Variants in CNTNAP4 observed in about 807,000 individuals in gnomAD.
CNTNAP4 encodes the protein contactin associated protein family member 4, also known as contactin-associated protein-like 4.
CNTNAP4 carries 98 observed loss-of-function variants against 148.4 expected under a neutral mutation model. That is an observed-to-expected ratio of 0.66 (90% CI 0.56 to 0.78). The LOEUF is 0.78. Ranked by LOEUF, CNTNAP4 falls within the 30% of genes least tolerant of loss-of-function variation. The pLI, the probability that CNTNAP4 is intolerant of heterozygous loss-of-function variation, is 0.00. For synonymous variants in CNTNAP4, 730 were observed against 565.1 expected (o/e 1.29, Z -4.14); for missense variants, 1,935 against 1,565.6 (o/e 1.24, Z -3.98).
intron 13 of CNTNAP4, among the ~76,000 whole-genome samples, chr16:76,491,669 G>A (rs1212882715): frequency 6.6e-6 from 1 of 152,214 alleles, no homozygotes; most frequent in African/African-American, 2.4e-5. Flanking sequence ...TTATGGAAGA[G>A]TAAATGAATG....
chr16:76,553,553 A>G, intron 22 of CNTNAP4, 52 bp downstream of exon 22: 1 of 1,355,242 alleles, frequency 7.4e-7, no homozygotes. Flanking sequence ...TGTCCATGGA[A>G]TTTAGAAAAC....
chr16:76,447,777 C>T (rs2080304164), intron 4 of CNTNAP4, among the ~76,000 whole-genome samples: 2 of 152,112 alleles, frequency 1.3e-5, no homozygotes, highest in South Asian at 4.1e-4. Context: ...TTAAGGTAGG[C>T]TAGGCTAAAC....
chr16:76,452,726 G>A lies in CNTNAP4; in HGVS notation c.1290G>A (p.Ser430=), dbSNP rs8055272. The part of the protein sequence containing the change: ...LLFLSDGKLK[S]NLYQPGKLPS... ...TTCTGAGTGATGGAAAACTTAAGTC[G>A]AATCTCTACCAGCCAGGAAAATTAC... The change falls in exon 8 of 24, where the codon TCG becomes TCA. Residue 430 remains serine, a synonymous_variant. Coordinates refer to ENST00000611870, the MANE Select transcript of CNTNAP4 (RefSeq NM_033401.5). The A allele has an allele frequency of 9.3e-3, 14,953 of 1,608,628 alleles. 89 individuals are homozygous for A. Among genetic ancestry groups the A allele is most frequent in the Non-Finnish European group, 0.012 (13,671 of 1,176,940 alleles).
At chr16:76,531,387 A>G (rs2083978493) in intron 17 of CNTNAP4, among the ~76,000 whole-genome samples, 1 of 152,150 alleles carries the variant, frequency 6.6e-6, no homozygotes, top group Admixed American at 6.5e-5. Flanking sequence ...GTCTCTACTC[A>G]GCACCCAGAG....
intron 3 of CNTNAP4, among the ~76,000 whole-genome samples, chr16:76,408,735 G>A (rs62051218): frequency 0.36 from 54,167 of 151,914 alleles, 11,111 homozygotes; most frequent in Non-Finnish European, 0.44. Context: ...CTGGAAAACA[G>A]CATTTTATTA....
intron 2 of CNTNAP4, among the ~76,000 whole-genome samples, chr16:76,324,267 A>G (rs1188887879): frequency 6.6e-6 from 1 of 152,230 alleles, no homozygotes; most frequent in Non-Finnish European, 1.5e-5. Flanking sequence ...CAATTAAAAT[A>G]TATTCACAAA....
chr16:76,330,032 A>G (rs1597214495), intron 2 of CNTNAP4, among the ~76,000 whole-genome samples: 1 of 152,206 alleles, frequency 6.6e-6, no homozygotes, highest in African/African-American at 2.4e-5. Context: ...AAGGAAAAAC[A>G]CATCTCAACA....
intron 12 of CNTNAP4, among the ~76,000 whole-genome samples, chr16:76,489,210 C>A (rs2082125943): frequency 6.6e-6 from 1 of 152,030 alleles, no homozygotes; most frequent in South Asian, 2.1e-4. Context: ...TAAATTATTT[C>A]TTGAATTCTA....
intron 3 of CNTNAP4, among the ~76,000 whole-genome samples, chr16:76,365,562 C>A (rs2014008730): frequency 2.0e-5 from 3 of 151,988 alleles, no homozygotes. Context: ...ACTAGCCTGG[C>A]CAACATGGTG....
At chr16:76,413,678 A>G (rs1388262978) in intron 3 of CNTNAP4, among the ~76,000 whole-genome samples, 1 of 151,346 alleles carries the variant, frequency 6.6e-6, no homozygotes, top group African/African-American at 2.4e-5. Flanking sequence ...ACACACAAAC[A>G]TTGGTTTGAA....
At chr16:76,554,973 C>T (rs913072042) in intron 23 of CNTNAP4, among the ~76,000 whole-genome samples, 1 of 151,346 alleles carries the variant, frequency 6.6e-6, no homozygotes, top group Non-Finnish European at 1.5e-5. Context: ...TTATTCATAT[C>T]ATATATGAAT....
At chr16:76,369,935 T>C (rs963552254) in intron 3 of CNTNAP4, among the ~76,000 whole-genome samples, 2 of 152,174 alleles carry the variant, frequency 1.3e-5, no homozygotes, top group Non-Finnish European at 2.9e-5. Context: ...GGATTATATC[T>C]GCCTACAATG....
chr16:76,459,742 G>C (rs940390643), intron 8 of CNTNAP4, among the ~76,000 whole-genome samples: 6 of 152,170 alleles, frequency 3.9e-5, no homozygotes, highest in Admixed American at 2.6e-4. Context: ...AATTTGATCT[G>C]CAGAATCACA....
chr16:76,516,250 C>T (rs188134766), intron 15 of CNTNAP4, among the ~76,000 whole-genome samples: 5 of 152,248 alleles, frequency 3.3e-5, no homozygotes, highest in African/African-American at 7.2e-5. Context: ...GATTCATCCA[C>T]GTCCCTGCAA....
chr16:76,313,411 C>T (rs1961360187), intron 1 of CNTNAP4, among the ~76,000 whole-genome samples: 1 of 152,192 alleles, frequency 6.6e-6, no homozygotes, highest in South Asian at 2.1e-4. Flanking sequence ...ATACATAATG[C>T]ACTCTCTTGT....
intron 10 of CNTNAP4, among the ~76,000 whole-genome samples, chr16:76,475,006 A>G (rs1219487100): frequency 6.6e-6 from 1 of 152,078 alleles, no homozygotes; most frequent in Non-Finnish European, 1.5e-5. Context: ...ACCAGATCAG[A>G]CTCCAGAGCC....
Position 76,558,509 on chromosome 16 carries a change from T to C in CNTNAP4, c.3753T>C (p.Ile1251=). 1.2e-6 allele frequency: 2 copies of C among 1,606,858 alleles called. No homozygotes were observed. Among genetic ancestry groups the C allele is most frequent in the Non-Finnish European group, 1.7e-6 (2 of 1,174,750 alleles). ...AVIGGLIAVV[I]FILLCITAIA... ...CTCTAGGTCTGATAGCTGTTGTGAT[T>C]TTTATCTTGCTTTGCATCACTGCCA... Residue 1251 remains isoleucine, a synonymous_variant, in exon 24 of 24, where the codon ATT becomes ATC. Transcript: ENST00000611870.
intron 1 of CNTNAP4, among the ~76,000 whole-genome samples, chr16:76,282,422 T>C (rs1958722614): frequency 6.6e-6 from 1 of 151,948 alleles, no homozygotes; most frequent in African/African-American, 2.4e-5. Context: ...AACTTAGATG[T>C]TTTGAACAAA....
At chr16:76,294,967 T>C (rs1265976024) in intron 1 of CNTNAP4, among the ~76,000 whole-genome samples, 2 of 152,184 alleles carry the variant, frequency 1.3e-5, no homozygotes, top group African/African-American at 4.8e-5. Flanking sequence ...TATTGTATTG[T>C]TTAAGGTGCT....
Sources: allele counts gnomAD v4.1 joint callset (sites outside exome capture counted in the v4.1 genomes callset), GRCh38; gene constraint gnomAD v4.1.1; transcripts MANE v1.5; gene names NCBI Gene and HGNC (gene_info 2026-07-23, HGNC 2026-07-21).